The following GABRG3 variants were observed in gnomAD, a reference collection of about 807,000 sequenced individuals.
The protein encoded by GABRG3 is gamma-aminobutyric acid type A receptor subunit gamma3, also known as gamma-aminobutyric acid receptor subunit gamma-3.
In GABRG3, 25 loss-of-function variants were observed where a neutral mutation model predicts 48.8. The ratio of observed to expected loss-of-function variants is 0.51; its 90% CI spans 0.37 to 0.72. The LOEUF (loss-of-function observed/expected upper bound fraction) is 0.72. GABRG3 is among the 30% of genes least tolerant of loss of function. The probability of loss-of-function intolerance (pLI) is 0.00; values close to 1 mark genes in which losing one functional copy is unlikely to be tolerated. For missense variants in GABRG3, 394 were observed against 577.9 expected, an observed-to-expected ratio of 0.68 and a Z score of 3.26; for synonymous variants, 227 against 217.6, an observed-to-expected ratio of 1.04 and a Z score of -0.38.
intron 3 of GABRG3, among the ~76,000 whole-genome samples, chr15:27,213,736 G>C (rs1889147779): frequency 6.6e-6 from 1 of 152,186 alleles, no homozygotes; most frequent in Admixed American, 6.5e-5. Flanking sequence ...TATTTCCAAA[G>C]CTCAGACGGT....
Position 27,305,709 on chromosome 15 carries a change from T to C in GABRG3, c.271-21100T>C, listed in dbSNP as rs866145896. ...TATAAACATATATAATATAAACCTA[T>C]ATGTTTATATATAAACATATATAAT... On this transcript the variant is annotated intron_variant, in intron 3 of 9. Coordinates refer to ENST00000615808, the MANE Select transcript of GABRG3 (RefSeq NM_033223.5). Among the ~76,000 whole-genome samples, 245 of 29,680 alleles carry C rather than the reference T, an allele frequency of 8.3e-3. 6 individuals are homozygous for C. The highest frequency in any genetic ancestry group is 1.0e-2 in the African/African-American group (96 of 9,622). 19.5% of individuals were successfully genotyped at this position (29,680 alleles called of 152,430 possible). A position where few individuals can be genotyped will look rare whatever the true frequency, so the allele number is the denominator to read the frequency against.
At chr15:27,143,634 C>T (rs1381990702) in intron 3 of GABRG3, among the ~76,000 whole-genome samples, 1 of 152,142 alleles carries the variant, frequency 6.6e-6, no homozygotes, top group Non-Finnish European at 1.5e-5. Context: ...TGGAAAGCTG[C>T]GAGTGTATCC....
At chr15:27,403,108 G>A (rs1887522264) in intron 5 of GABRG3, among the ~76,000 whole-genome samples, 1 of 151,508 alleles carries the variant, frequency 6.6e-6, no homozygotes, top group Admixed American at 6.6e-5. Flanking sequence ...AAGAAACAGT[G>A]AACTAGAAAC....
At chr15:27,435,064 C>T (rs1178445958) in intron 5 of GABRG3, among the ~76,000 whole-genome samples, 1 of 152,060 alleles carries the variant, frequency 6.6e-6, no homozygotes, top group Non-Finnish European at 1.5e-5. Flanking sequence ...GACCACTCTT[C>T]CCTTGAATAT....
chr15:27,379,261 T>C (rs190084401), intron 5 of GABRG3, among the ~76,000 whole-genome samples: 6 of 152,360 alleles, frequency 3.9e-5, no homozygotes, highest in African/African-American at 1.2e-4. Context: ...GAGTTTGCAA[T>C]ATACAGTGAC....
intron 3 of GABRG3, among the ~76,000 whole-genome samples, chr15:27,061,861 TC>T (rs1458565455): frequency 6.6e-6 from 1 of 152,228 alleles, no homozygotes; most frequent in African/African-American, 2.4e-5. Context: ...CGTGTGGAAA[TC>T]CTGCTGTGCT....
intron 3 of GABRG3, among the ~76,000 whole-genome samples, chr15:27,191,200 G>A (rs1324365441): frequency 2.6e-5 from 4 of 152,186 alleles, no homozygotes; most frequent in Non-Finnish European, 4.4e-5. Flanking sequence ...TGTATATTCT[G>A]TTGATTTGGG....
intron 3 of GABRG3, among the ~76,000 whole-genome samples, chr15:27,093,711 C>A (rs954454082): frequency 3.9e-5 from 6 of 152,130 alleles, no homozygotes; most frequent in Admixed American, 1.3e-4. Flanking sequence ...AAGATAGAAA[C>A]CCAATTTCCA....
chr15:26,971,397 T>C lies in GABRG3; in HGVS notation c.-139T>C. 1.7e-6 allele frequency: 1 copy of C among 584,018 alleles called. No homozygotes were observed. Among genetic ancestry groups the C allele is most frequent in the Non-Finnish European group, 2.6e-6 (1 of 381,632 alleles). The allele number at this position is 584,018 out of a possible 1,614,324, so 36.2% of individuals were successfully genotyped here. The stretch of plus-strand genomic sequence containing the variant: ...CGCGGGGGCGCGGCCAGCGCCAGAG[T>C]AGATACCTGTCCCGCCCGCCGCGGC... On this transcript the variant is annotated 5_prime_UTR_variant, in exon 1 of 10. Transcript: ENST00000615808.
In GABRG3 at chr15:27,133,513, A is replaced by G. The variant is rs1046277458; in HGVS notation, c.270+106692A>G. 4.4e-4 allele frequency among the ~76,000 whole-genome samples: 67 copies of G among 152,136 alleles called. 1 individual carries two copies. The highest frequency in any genetic ancestry group is 4.4e-5 in the Non-Finnish European group (3 of 68,036). Reference sequence around the variant, plus strand: ...CTTATGGCTCAATCCTGAGCTATGAATTTCCCTTTCCTTTTTTTCTGTTTT... The same window carrying G: ...CTTATGGCTCAATCCTGAGCTATGAGTTTCCCTTTCCTTTTTTTCTGTTTT... On this transcript the variant is annotated intron_variant, in intron 3 of 9. Coordinates refer to ENST00000615808, the MANE Select transcript of GABRG3 (RefSeq NM_033223.5).
chr15:27,388,372 G>GGAGGAAGGAAAGGGAGGGAGGGAAAA (rs1896107040), intron 5 of GABRG3, among the ~76,000 whole-genome samples: 1 of 97,010 alleles, frequency 1.0e-5, no homozygotes, highest in Non-Finnish European at 2.2e-5. Flanking sequence ...AAGGAAGAAA[G>GGAGGAAGGAAAGGGAGGGAGGGAAAA]GAAGGAAGGA....
chr15:26,990,078 A>G (rs917637459), intron 2 of GABRG3, among the ~76,000 whole-genome samples: 2 of 152,208 alleles, frequency 1.3e-5, no homozygotes, highest in Non-Finnish European at 2.9e-5. Context: ...CAGTGCTGCA[A>G]TGAACATCAG....
At chr15:27,511,158 A>G (rs555437365) in intron 6 of GABRG3, among the ~76,000 whole-genome samples, 23 of 152,352 alleles carry the variant, frequency 1.5e-4, no homozygotes, top group Admixed American at 1.4e-3. Context: ...TAAAAGGAGC[A>G]AGGTAAATTA....
At chr15:27,278,025 C>T (rs1463372451) in intron 3 of GABRG3, among the ~76,000 whole-genome samples, 2 of 151,916 alleles carry the variant, frequency 1.3e-5, no homozygotes, top group African/African-American at 4.8e-5. Flanking sequence ...TATACACACG[C>T]ATCTGTGTGT....
At chr15:27,129,073 T>C (rs1242314352) in intron 3 of GABRG3, among the ~76,000 whole-genome samples, 1 of 152,224 alleles carries the variant, frequency 6.6e-6, no homozygotes, top group African/African-American at 2.4e-5. Flanking sequence ...ATGCATATAA[T>C]ATAAAATGTA....
In GABRG3 at chr15:27,235,513, A is replaced by G. The variant is rs570070899; in HGVS notation, c.271-91296A>G. On this transcript the variant is annotated intron_variant, in intron 3 of 9. Coordinates refer to ENST00000615808, the MANE Select transcript of GABRG3 (RefSeq NM_033223.5). Reference sequence around the variant, plus strand: ...TTATTTCTTAAAACTGGCATGTGGAAAGCTGAGGTGTGGGTGGGAATTTTG... The same window carrying G: ...TTATTTCTTAAAACTGGCATGTGGAGAGCTGAGGTGTGGGTGGGAATTTTG... 2.0e-5 allele frequency among the ~76,000 whole-genome samples: 3 copies of G among 152,298 alleles called. No homozygotes were observed. The South Asian group carries it at 6.2e-4, about 32-fold the overall frequency.
intron 2 of GABRG3, among the ~76,000 whole-genome samples, chr15:26,997,518 T>A (rs892854619): frequency 1.3e-5 from 2 of 152,210 alleles, no homozygotes; most frequent in African/African-American, 4.8e-5. Context: ...CTTTATTTGT[T>A]TAGTAACTTA....
chr15:27,413,470 C>T (rs145255510), intron 5 of GABRG3, among the ~76,000 whole-genome samples: 9 of 152,228 alleles, frequency 5.9e-5, no homozygotes, highest in South Asian at 4.1e-4. Flanking sequence ...GAAAAAGCAA[C>T]GTGTGTGATA....
chr15:27,180,265 G>A lies in GABRG3; in HGVS notation c.271-146544G>A, dbSNP rs982919266. 6.6e-6 allele frequency among the ~76,000 whole-genome samples: 1 copy of A among 152,122 alleles called. No individual in the cohort carries two copies. The highest frequency in any genetic ancestry group is 2.4e-5 in the African/African-American group (1 of 41,408). On this transcript the variant is annotated intron_variant, in intron 3 of 9. Transcript: ENST00000615808. The surrounding 1 kb of genome is among the most constrained non-coding windows in gnomAD (Gnocchi z 4.2). Reference sequence around the variant, plus strand: ...AACCACTGATGTAGAAGAGGGAGTAGATGTACATTCTGGTCACAATAGCAA... The same window carrying A: ...AACCACTGATGTAGAAGAGGGAGTAAATGTACATTCTGGTCACAATAGCAA...
Sources: gnomAD v4.1 joint callset for allele counts (sites outside exome capture counted in the v4.1 genomes callset) on GRCh38, gnomAD v4.1.1 for gene constraint, Gnocchi (gnomAD v3.1) non-coding constraint, MANE v1.5 for transcripts, NCBI Gene and HGNC (gene_info 2026-07-23, HGNC 2026-07-21) for gene names.